Variants in DECR1 observed in about 807,000 individuals in gnomAD.
The protein encoded by DECR1 is 2,4-dienoyl-CoA reductase [(3E)-enoyl-CoA-producing], mitochondrial.
In DECR1, 44 loss-of-function variants were observed where a neutral mutation model predicts 38.8. The observed-to-expected ratio is 1.13, with a 90% confidence interval of 0.89 to 1.46. DECR1 has a LOEUF of 1.46. Ranked by LOEUF, DECR1 falls within the 40% of genes most tolerant of loss-of-function variation. DECR1 has a pLI of 0.00. For missense variants in DECR1, 428 were observed against 405.5 expected (o/e 1.06, Z -0.48); for synonymous variants, 148 against 135.2 (o/e 1.09, Z -0.66).
At position 90,002,641 on chromosome 8, in the gene DECR1, C is replaced by T. The variant is rs1341690236; in HGVS notation, c.69+1080C>T. On this transcript the variant is annotated intron_variant, in intron 1 of 9. Transcript: ENST00000220764. ...ACTTCTTTTGATTTGATAGAATAGA[C>T]AGCCATGGTGTTGTTTTTCAAAAAA... Among the ~76,000 whole-genome samples the T allele has an allele frequency of 2.0e-5, 3 of 152,186 alleles. No homozygotes were observed. The East Asian group carries it at 5.8e-4, about 29-fold the overall frequency.
Position 90,052,142 on chromosome 8 carries a change from C to A in DECR1, c.*245C>A. The stretch of plus-strand genomic sequence containing the variant: ...GAGAGTAGGTAAAGGCTCCTCTTTA[C>A]CTATTGATAGAGGTAAAAAGTACTT... On this transcript the variant is annotated 3_prime_UTR_variant, in exon 10 of 10. Coordinates refer to ENST00000220764, the MANE Select transcript of DECR1 (RefSeq NM_001359.2). The A allele has an allele frequency of 2.2e-6, 1 of 444,544 alleles. No individual in the cohort carries two copies. The allele number at this position is 444,544 out of a possible 1,614,324, so 27.5% of individuals were successfully genotyped here. A position where few individuals can be genotyped will look rare whatever the true frequency, so the allele number is the denominator to read the frequency against.
rs1013552020 is a variant in DECR1, at chr8:90,025,793, T to C, written c.565+4737T>C. On this transcript the variant is annotated intron_variant, in intron 5 of 9. Coordinates refer to ENST00000220764, the MANE Select transcript of DECR1 (RefSeq NM_001359.2). ...AGTGGTGAGAGAGGGCATCCCTGTC[T>C]TGTGCCAGTTTTCACAGAGAATCCT... 2.0e-5 allele frequency among the ~76,000 whole-genome samples: 3 copies of C among 152,208 alleles called. No homozygotes were observed. The East Asian group carries it at 5.8e-4, about 29-fold the overall frequency.
chr8:90,044,961 T>C lies in DECR1; in HGVS notation c.851T>C (p.Leu284Pro), dbSNP rs370430849. 7 of 1,613,924 alleles carry C rather than the reference T, an allele frequency of 4.3e-6. No individual in the cohort carries two copies. In the African/African-American group the frequency reaches 9.3e-5, roughly 22 times the overall value. The change falls in exon 8 of 10, where the codon CTT (leucine) becomes CCT (proline). Residue 284 changes from leucine (L) to proline (P), a missense_variant. By Grantham distance (98) the Leu-to-Pro change is moderately conservative. Coordinates refer to ENST00000220764, the MANE Select transcript of DECR1 (RefSeq NM_001359.2). ...GAACTCGCAAATCTTGCTGCTTTCC[T>C]TTGTAGTGATTATGCTTCTTGGATT... The part of the protein sequence containing the change: ...VEELANLAAF[L>P]CSDYASWING...
At position 90,052,544 on chromosome 8, in the gene DECR1, C is replaced by G. The variant is rs1814126996; in HGVS notation, c.*647C>G. 6.6e-6 allele frequency among the ~76,000 whole-genome samples: 1 copy of G among 152,116 alleles called. No homozygotes were observed. The highest frequency in any genetic ancestry group is 2.1e-4 in the South Asian group (1 of 4,818). On this transcript the variant is annotated 3_prime_UTR_variant, in exon 10 of 10. Transcript: ENST00000220764. ...TACATTGTGATAAGTATTATTCCAG[C>G]AGTATTTAAGTGTAGAGGAGGAAGT...
At chr8:90,001,626 G>C in intron 1 of DECR1, 65 bp downstream of exon 1, 1 of 1,452,698 alleles carries the variant, frequency 6.9e-7, no homozygotes, top group African/African-American at 1.4e-5. Context: ...GAGAGGACAG[G>C]GCGTCACGGG....
At chr8:90,042,598 C>T in intron 6 of DECR1, 130 bp from the exon 7 acceptor site, 1 of 743,426 alleles carries the variant, frequency 1.3e-6, no homozygotes, top group East Asian at 2.5e-5. Context: ...ATATAGGGAA[C>T]AATAATAGTA....
chr8:90,046,279 G>A lies in DECR1; in HGVS notation c.885+1284G>A, dbSNP rs55724862. ...AGGTGTTGGAACCCATCGCCAGAAA[G>A]CTAAAAACCTTGATAAAAGATTAGA... On this transcript the variant is annotated intron_variant, in intron 8 of 9. Coordinates refer to ENST00000220764, the MANE Select transcript of DECR1 (RefSeq NM_001359.2). Among the ~76,000 whole-genome samples, 1,178 of 152,278 alleles carry A rather than the reference G, an allele frequency of 7.7e-3. 13 individuals are homozygous for A. The highest frequency in any genetic ancestry group is 0.027 in the African/African-American group (1,131 of 41,554).
chr8:90,015,914 AC>A (rs1162875023), intron 1 of DECR1, among the ~76,000 whole-genome samples: 2 of 152,212 alleles, frequency 1.3e-5, no homozygotes, highest in Non-Finnish European at 2.9e-5. Flanking sequence ...TAAAACTAAT[AC>A]CTATTTCATG....
chr8:90,036,915 AAAG>A lies in DECR1; in HGVS notation c.641_643del (p.Lys214_Ala215delinsThr), dbSNP rs1813631032. The A allele has an allele frequency of 3.1e-6, 5 of 1,613,328 alleles. No individual in the cohort carries two copies. Among genetic ancestry groups the A allele is most frequent in the Non-Finnish European group, 4.2e-6 (5 of 1,179,588 alleles). ...TTTTGTAGTACCAAGTGCTTCTGCC[AAAG>A]CAGGTGTGGAAGCCATGAGCAAGTA... On this transcript the variant is annotated inframe_deletion, in exon 6 of 10. Coordinates refer to ENST00000220764, the MANE Select transcript of DECR1 (RefSeq NM_001359.2).
chr8:90,026,473 T>A (rs1813342569), intron 5 of DECR1, among the ~76,000 whole-genome samples: 1 of 152,220 alleles, frequency 6.6e-6, no homozygotes, highest in South Asian at 2.1e-4. Context: ...TGTCCAGGAA[T>A]GTATCCATTT....
intron 5 of DECR1, among the ~76,000 whole-genome samples, chr8:90,028,920 G>A (rs78975658): frequency 0.026 from 4,022 of 152,046 alleles, 105 homozygotes; most frequent in South Asian, 0.095. Flanking sequence ...GGAAACTGAC[G>A]TACAATCTTT....
At position 90,014,640 on chromosome 8, in the gene DECR1, G is replaced by A. The variant is rs537359486; in HGVS notation, c.70-2484G>A. 4.6e-5 allele frequency among the ~76,000 whole-genome samples: 7 copies of A among 152,180 alleles called. No homozygotes were observed. In the South Asian group the frequency reaches 6.2e-4, roughly 14 times the overall value. ...CTACCAGTGAGGAGGTTGAGGAAAT[G>A]TTTTAAAATAAATTTAAAAAGAAAG... is the stretch of plus-strand genomic sequence containing the variant. On this transcript the variant is annotated intron_variant, in intron 1 of 9. Coordinates refer to ENST00000220764, the MANE Select transcript of DECR1 (RefSeq NM_001359.2).
At position 90,052,888 on chromosome 8, in the gene DECR1, C is replaced by G. The variant is rs914328884; in HGVS notation, c.*991C>G. Among the ~76,000 whole-genome samples, 7 of 152,154 alleles carry G rather than the reference C, an allele frequency of 4.6e-5. No individual in the cohort carries two copies. The highest frequency in any genetic ancestry group is 1.4e-4 in the African/African-American group (6 of 41,440). ...ACTATCCCCATTGCCCAAGTTGACA[C>G]AAGAGGAAACCAGCTTCCATCTTAC... is the stretch of plus-strand genomic sequence containing the variant. On this transcript the variant is annotated 3_prime_UTR_variant, in exon 10 of 10. Coordinates refer to ENST00000220764, the MANE Select transcript of DECR1 (RefSeq NM_001359.2).
intron 8 of DECR1, among the ~76,000 whole-genome samples, chr8:90,049,497 A>G (rs1223133489): frequency 6.6e-6 from 1 of 152,202 alleles, no homozygotes; most frequent in African/African-American, 2.4e-5. Flanking sequence ...TTCAAGGAGA[A>G]CTACAAACCA....
chr8:90,016,649 CAAACA>C (rs373199630), intron 1 of DECR1: 248 of 158,728 alleles, frequency 1.6e-3, no homozygotes, highest in African/African-American at 4.5e-3. Context: ...AAAAAACAAA[CAAACA>C]AAACAAAACA....
At chr8:90,030,988 T>C (rs1813480297) in intron 5 of DECR1, among the ~76,000 whole-genome samples, 6 of 152,128 alleles carry the variant, frequency 3.9e-5, no homozygotes, top group Admixed American at 3.9e-4. Flanking sequence ...AAGGTAAAGG[T>C]AAAGCGATTT....
In DECR1 at chr8:90,042,635, G is replaced by A. The variant is rs553537954; in HGVS notation, c.666-93G>A. 550 of 1,032,310 alleles carry A rather than the reference G, an allele frequency of 5.3e-4. 3 individuals are homozygous for A. The Middle Eastern group carries it at 0.014, about 26-fold the overall frequency. The allele number at this position is 1,032,310 out of a possible 1,614,324, so 63.9% of individuals were successfully genotyped here. On this transcript the variant is annotated intron_variant, in intron 6 of 9. Coordinates refer to ENST00000220764, the MANE Select transcript of DECR1 (RefSeq NM_001359.2). Reference sequence around the variant, plus strand: ...CTACCTGTTGGGGTTGTAATCTCTGGCATGTAGTAAGCATCTAGTGAGTCT... The same window carrying A: ...CTACCTGTTGGGGTTGTAATCTCTGACATGTAGTAAGCATCTAGTGAGTCT...
At chr8:90,001,691 TCC>T in intron 1 of DECR1, 130 bp downstream of exon 1, 3 of 751,894 alleles carry the variant, frequency 4.0e-6, no homozygotes, top group Non-Finnish European at 6.1e-6. Context: ...GGACAGGGCG[TCC>T]CGGGGGTTCG....
intron 5 of DECR1, among the ~76,000 whole-genome samples, chr8:90,034,372 A>G (rs1452544275): frequency 2.0e-5 from 3 of 152,214 alleles, no homozygotes; most frequent in Non-Finnish European, 2.9e-5. Context: ...AATAAGAAGT[A>G]GAGAAATCAC....
Sources: gnomAD v4.1 joint callset for allele counts (sites outside exome capture counted in the v4.1 genomes callset) on GRCh38, gnomAD v4.1.1 for gene constraint, MANE v1.5 for transcripts, NCBI Gene and HGNC (gene_info 2026-07-23, HGNC 2026-07-21) for gene names.